Variants in GRM8 observed in about 807,000 individuals in gnomAD.
GRM8 encodes the protein glutamate metabotropic receptor 8.
In GRM8, 47 loss-of-function variants were observed where a neutral mutation model predicts 87.2. That is an observed-to-expected ratio of 0.54 (90% CI 0.43 to 0.69). The LOEUF is 0.69. Among genes scored for constraint, GRM8 ranks in the 30% least tolerant of loss-of-function variants. The pLI is 0.00. For synonymous variants in GRM8, 396 were observed against 404.5 expected (o/e 0.98, Z 0.25); for missense variants, 1,019 against 1,139.2 (o/e 0.89, Z 1.52).
At chr7:126,698,084 G>C (rs1257018176) in intron 7 of GRM8, among the ~76,000 whole-genome samples, 1 of 152,128 alleles carries the variant, frequency 6.6e-6, no homozygotes, top group East Asian at 1.9e-4. Context: ...AAATGGAATA[G>C]ATTGTGGAAC....
At chr7:126,852,781 TA>T (rs1461187435) in intron 6 of GRM8, among the ~76,000 whole-genome samples, 5 of 152,130 alleles carry the variant, frequency 3.3e-5, no homozygotes, top group Non-Finnish European at 7.4e-5. Context: ...TATACTTTCA[TA>T]TATTTATATT....
intron 9 of GRM8, among the ~76,000 whole-genome samples, chr7:126,529,890 ACAC>A (rs1442819629): frequency 6.6e-6 from 1 of 152,086 alleles, no homozygotes; most frequent in African/African-American, 2.4e-5. Flanking sequence ...CCCTTCCTTC[ACAC>A]CACTTTTCTA....
intron 3 of GRM8, among the ~76,000 whole-genome samples, chr7:126,954,708 C>G (rs555645851): frequency 6.6e-6 from 1 of 152,106 alleles, no homozygotes; most frequent in Non-Finnish European, 1.5e-5. Context: ...CAATAACTTT[C>G]TCATAGAGTG....
At chr7:127,011,049 T>C (rs372838219) in intron 3 of GRM8, among the ~76,000 whole-genome samples, 3 of 152,246 alleles carry the variant, frequency 2.0e-5, no homozygotes, top group East Asian at 3.9e-4. Flanking sequence ...TATTATACTA[T>C]ATCATTTTCT....
At chr7:127,209,870 A>C (rs1219024448) in intron 2 of GRM8, among the ~76,000 whole-genome samples, 1 of 152,130 alleles carries the variant, frequency 6.6e-6, no homozygotes, top group Non-Finnish European at 1.5e-5. Context: ...AAAGCAACAA[A>C]TCAGACAACC....
intron 9 of GRM8, among the ~76,000 whole-genome samples, chr7:126,496,973 T>TTC (rs1262990236): frequency 6.7e-6 from 1 of 149,434 alleles, no homozygotes; most frequent in Non-Finnish European, 1.5e-5. Context: ...GTTTTGGATT[T>TTC]TTTTTTTTTT....
At chr7:126,709,456 AGAG>A (rs1441090499) in intron 7 of GRM8, among the ~76,000 whole-genome samples, 3 of 151,916 alleles carry the variant, frequency 2.0e-5, no homozygotes, top group Non-Finnish European at 4.4e-5. Flanking sequence ...AAGAGGAAGA[AGAG>A]GACGAAAAAG....
At chr7:126,602,640 G>T (rs1410757076) in intron 8 of GRM8, among the ~76,000 whole-genome samples, 14 of 144,994 alleles carry the variant, frequency 9.7e-5, no homozygotes, top group African/African-American at 3.0e-4. Flanking sequence ...CCTTGAAGAG[G>T]TCCTTCACAT....
At chr7:126,900,892 C>T (rs1331991269) in intron 6 of GRM8, among the ~76,000 whole-genome samples, 2 of 152,248 alleles carry the variant, frequency 1.3e-5, no homozygotes, top group South Asian at 2.1e-4. Context: ...ATTTTCTCCC[C>T]TGAACCCCAA....
chr7:126,465,781 T>G (rs1039834052), intron 9 of GRM8, among the ~76,000 whole-genome samples: 1 of 151,848 alleles, frequency 6.6e-6, no homozygotes, highest in Non-Finnish European at 1.5e-5. Flanking sequence ...CTTTCTAAAC[T>G]TTATGTCTTT....
intron 3 of GRM8, among the ~76,000 whole-genome samples, chr7:127,009,789 T>C (rs1426761010): frequency 6.6e-6 from 1 of 152,096 alleles, no homozygotes; most frequent in Non-Finnish European, 1.5e-5. Flanking sequence ...CTCCTTTAAA[T>C]TCTTTTCAAC....
chr7:126,768,927 C>CAAAAAAAAA (rs775753477), intron 7 of GRM8, among the ~76,000 whole-genome samples: 1 of 98,862 alleles, frequency 1.0e-5, no homozygotes, highest in African/African-American at 4.2e-5. Context: ...AGGAAAAATG[C>CAAAAAAAAA]AAAAAAAAAA....
At chr7:127,247,893 T>C (rs1195936077) in intron 1 of GRM8, among the ~76,000 whole-genome samples, 3 of 152,206 alleles carry the variant, frequency 2.0e-5, no homozygotes, top group African/African-American at 7.2e-5. Flanking sequence ...AGTGACTTTT[T>C]TTCATCAGTG....
intron 5 of GRM8, among the ~76,000 whole-genome samples, chr7:126,902,943 C>T (rs1802247394): frequency 1.3e-5 from 2 of 152,106 alleles, no homozygotes; most frequent in African/African-American, 4.8e-5. Flanking sequence ...CTGGTGTCAG[C>T]GACCTTCTTA....
intron 3 of GRM8, among the ~76,000 whole-genome samples, chr7:126,924,547 C>T (rs1804886912): frequency 6.6e-6 from 1 of 152,200 alleles, no homozygotes; most frequent in Admixed American, 6.5e-5. Context: ...ACAATCCTCA[C>T]ATGGGTGGTA....
chr7:126,955,725 T>C (rs550749997), intron 3 of GRM8, among the ~76,000 whole-genome samples: 2 of 152,310 alleles, frequency 1.3e-5, no homozygotes, highest in African/African-American at 4.8e-5. Flanking sequence ...CTCAATCAGA[T>C]AAACTCCAGA....
chr7:126,755,540 T>C (rs1376391227), intron 7 of GRM8, among the ~76,000 whole-genome samples: 2 of 151,974 alleles, frequency 1.3e-5, no homozygotes. Context: ...CAAATGTCTC[T>C]TTAGCACTCT....
chr7:127,197,903 C>T (rs533635451), intron 2 of GRM8, among the ~76,000 whole-genome samples: 113 of 152,154 alleles, frequency 7.4e-4, no homozygotes, highest in African/African-American at 2.5e-3. Flanking sequence ...CACCCAGTGC[C>T]GTTTCTTTAG....
chr7:127,121,890 G>A (rs879797602), intron 2 of GRM8, among the ~76,000 whole-genome samples: 4 of 152,108 alleles, frequency 2.6e-5, no homozygotes, highest in African/African-American at 4.8e-5. Context: ...GGATTTGGGT[G>A]GGGACACAGA....
Sources: gnomAD v4.1 joint callset for allele counts (sites outside exome capture counted in the v4.1 genomes callset) on GRCh38, gnomAD v4.1.1 for gene constraint, MANE v1.5 for transcripts, NCBI Gene and HGNC (gene_info 2026-07-23, HGNC 2026-07-21) for gene names.